Variants in CHD9 observed in about 807,000 individuals in gnomAD.
CHD9 encodes the protein chromodomain helicase DNA binding protein 9.
Under a neutral mutation model 316.1 loss-of-function variants are expected in CHD9, and 77 were observed. That is an observed-to-expected ratio of 0.24 (90% CI 0.20 to 0.29). The LOEUF (loss-of-function observed/expected upper bound fraction) is 0.29. Among genes scored for constraint, CHD9 ranks in the 10% least tolerant of loss-of-function variants. The pLI, the probability that CHD9 is intolerant of heterozygous loss-of-function variation, is 1.00. For missense variants in CHD9, 2,763 were observed against 3,438.1 expected (o/e 0.80, Z 4.91); for synonymous variants, 1,129 against 1,158.3 (o/e 0.97, Z 0.51).
intron 1 of CHD9, among the ~76,000 whole-genome samples, chr16:53,068,234 C>T (rs983723750): frequency 1.3e-5 from 2 of 152,144 alleles, no homozygotes; most frequent in African/African-American, 4.8e-5. Flanking sequence ...ATAACAGGCA[C>T]ATAGTAGTCC....
intron 30 of CHD9, 43 bp from the exon 31 acceptor site, chr16:53,303,677 G>A: frequency 7.4e-7 from 1 of 1,349,848 alleles, no homozygotes; most frequent in Non-Finnish European, 9.9e-7. Context: ...TATAAATAAA[G>A]GATTTTTGAG....
chr16:53,252,064 A>G (rs922604313), intron 17 of CHD9, among the ~76,000 whole-genome samples: 4 of 152,184 alleles, frequency 2.6e-5, no homozygotes, highest in Non-Finnish European at 5.9e-5. Flanking sequence ...TAAAATTCAT[A>G]TAGAACCAAA....
Position 53,217,959 on chromosome 16 carries a change from T to TC in CHD9, c.1785-4685_1785-4684insC, listed in dbSNP as rs1018913032. On this transcript the variant is annotated intron_variant, in intron 3 of 38. Transcript: ENST00000447540. ...TTCTTTCTTTCTTTCTTTCTTTCTTTTTTTTTTTAATTCAGAATTACTGGG... is the reference window on the plus strand; with the variant it reads ...TTCTTTCTTTCTTTCTTTCTTTCTTTCTTTTTTTTAATTCAGAATTACTGGG... Among the ~76,000 whole-genome samples the TC allele has an allele frequency of 3.7e-4, 53 of 143,200 alleles. 1 individual carries two copies. The highest frequency in any genetic ancestry group is 3.2e-3 in the South Asian group (14 of 4,422). 93.9% of individuals were successfully genotyped at this position (143,200 alleles called of 152,430 possible).
At chr16:53,148,761 T>G (rs1372929206) in intron 1 of CHD9, among the ~76,000 whole-genome samples, 1 of 152,262 alleles carries the variant, frequency 6.6e-6, no homozygotes, top group Non-Finnish European at 1.5e-5. Flanking sequence ...ATATATGATT[T>G]ACAAATACTT....
At chr16:53,285,192 A>G (rs1236464537) in intron 24 of CHD9, among the ~76,000 whole-genome samples, 4 of 152,132 alleles carry the variant, frequency 2.6e-5, no homozygotes, top group African/African-American at 7.2e-5. Context: ...AAAACAATTC[A>G]TTTACCCTTT....
chr16:53,187,580 A>G (rs2044135416), intron 2 of CHD9, among the ~76,000 whole-genome samples: 2 of 152,208 alleles, frequency 1.3e-5, no homozygotes, highest in Non-Finnish European at 2.9e-5. Context: ...TTTGTGAGGC[A>G]TAATGAATAA....
chr16:53,216,156 A>T (rs186338200), intron 3 of CHD9, among the ~76,000 whole-genome samples: 13 of 152,262 alleles, frequency 8.5e-5, no homozygotes, highest in Non-Finnish European at 5.9e-5. Context: ...AGTTTATTTG[A>T]AGCATGTATT....
At chr16:53,246,441 C>T (rs2049619626) in intron 15 of CHD9, among the ~76,000 whole-genome samples, 1 of 152,186 alleles carries the variant, frequency 6.6e-6, no homozygotes, top group African/African-American at 2.4e-5. Flanking sequence ...AAGTATGCAT[C>T]AAGCACCTGT....
intron 31 of CHD9, among the ~76,000 whole-genome samples, chr16:53,304,939 C>G (rs1411095403): frequency 6.6e-6 from 1 of 151,882 alleles, no homozygotes; most frequent in East Asian, 1.9e-4. Context: ...GGTGATCTAC[C>G]CGCCTCAGCC....
At chr16:53,297,682 G>A (rs975213781) in intron 30 of CHD9, among the ~76,000 whole-genome samples, 1 of 152,216 alleles carries the variant, frequency 6.6e-6, no homozygotes, top group African/African-American at 2.4e-5. Context: ...AAAGCCCAGA[G>A]ACATAGCTCA....
intron 2 of CHD9, among the ~76,000 whole-genome samples, chr16:53,197,665 T>G (rs541035771): frequency 4.6e-5 from 7 of 151,776 alleles, no homozygotes; most frequent in African/African-American, 1.5e-4. Context: ...TCTAGCTTTT[T>G]TTTTTTTTTG....
intron 2 of CHD9, chr16:53,208,379 A>G: frequency 7.8e-7 from 1 of 1,278,496 alleles, no homozygotes; most frequent in Non-Finnish European, 1.0e-6. Context: ...TGGGAGGAGG[A>G]GGGGTTCTTT....
At chr16:53,205,957 T>C (rs557855468) in intron 2 of CHD9, among the ~76,000 whole-genome samples, 1 of 152,202 alleles carries the variant, frequency 6.6e-6, no homozygotes, top group South Asian at 2.1e-4. Context: ...TCTTTTACTT[T>C]TTTTTTTAAA....
chr16:53,185,113 A>G (rs2043870264), intron 2 of CHD9, among the ~76,000 whole-genome samples: 1 of 152,222 alleles, frequency 6.6e-6, no homozygotes, highest in Non-Finnish European at 1.5e-5. Flanking sequence ...TGCTGTAAAG[A>G]TACCCAAAAA....
intron 1 of CHD9, among the ~76,000 whole-genome samples, chr16:53,058,452 C>G (rs916481344): frequency 6.6e-6 from 1 of 152,084 alleles, no homozygotes; most frequent in African/African-American, 2.4e-5. Context: ...CACACATAAA[C>G]AAAGGTTATG....
At position 53,093,594 on chromosome 16, in the gene CHD9, A is replaced by G. The variant is rs189033006; in HGVS notation, c.-165+38517A>G. 4.4e-3 allele frequency among the ~76,000 whole-genome samples: 671 copies of G among 152,324 alleles called. 1 individual carries two copies. The highest frequency in any genetic ancestry group is 7.1e-3 in the Non-Finnish European group (484 of 68,030). ...CTTCTAGGGGCTTACATTCTAGTAC[A>G]AATGTACCACACCTTTCTGTTTGAT... On this transcript the variant is annotated intron_variant, in intron 1 of 38. Coordinates refer to ENST00000447540, the MANE Select transcript of CHD9 (RefSeq NM_001308319.2).
At chr16:53,293,188 T>G in intron 29 of CHD9, 136 bp downstream of exon 29, 3 of 662,020 alleles carry the variant, frequency 4.5e-6, no homozygotes, top group Non-Finnish European at 7.8e-6. Flanking sequence ...TTTGTGCACA[T>G]ACACACATAT....
At chr16:53,137,593 A>G (rs572766024) in intron 1 of CHD9, among the ~76,000 whole-genome samples, 77 of 152,196 alleles carry the variant, frequency 5.1e-4, no homozygotes, top group Non-Finnish European at 8.8e-4. Context: ...TTTGATTAAA[A>G]TGCTGCTATA....
chr16:53,148,194 G>A (rs545958345), intron 1 of CHD9, among the ~76,000 whole-genome samples: 1 of 152,254 alleles, frequency 6.6e-6, no homozygotes, highest in South Asian at 2.1e-4. Context: ...GTGTCAGAGT[G>A]AGACTCTGCC....
Sources: allele counts gnomAD v4.1 joint callset (sites outside exome capture counted in the v4.1 genomes callset), GRCh38; gene constraint gnomAD v4.1.1; transcripts MANE v1.5; gene names NCBI Gene and HGNC (gene_info 2026-07-23, HGNC 2026-07-21).